The following SLC12A5 variants were observed in gnomAD, a reference collection of about 807,000 sequenced individuals.
SLC12A5 encodes the protein K-Cl cotransporter 2.
SLC12A5 carries 18 observed loss-of-function variants against 124.0 expected under a neutral mutation model. That is an observed-to-expected ratio of 0.15 (90% CI 0.10 to 0.22). The LOEUF is 0.22. Among genes scored for constraint, SLC12A5 ranks in the 10% least tolerant of loss-of-function variants. The pLI, the probability that SLC12A5 is intolerant of heterozygous loss-of-function variation, is 1.00. For missense variants in SLC12A5, 867 were observed against 1,478.7 expected (o/e 0.59, Z 6.78); for synonymous variants, 589 against 568.0 (o/e 1.04, Z -0.53).
upstream of SLC12A5, among the ~76,000 whole-genome samples, chr20:46,025,859 C>T (rs1344999696): frequency 6.6e-6 from 1 of 152,124 alleles, no homozygotes; most frequent in African/African-American, 2.4e-5. Flanking sequence ...GCCCATAAGG[C>T]CACAGCCAGC....
At chr20:46,030,979 G>A (rs1287627205) in intron 1 of SLC12A5, among the ~76,000 whole-genome samples, 1 of 152,144 alleles carries the variant, frequency 6.6e-6, no homozygotes, top group African/African-American at 2.4e-5. Context: ...AGGGGGTTTG[G>A]CAAAGTTGAG....
intron 16 of SLC12A5, 81 bp downstream of exon 16, chr20:46,048,166 G>A: frequency 7.8e-7 from 1 of 1,287,840 alleles, no homozygotes; most frequent in Non-Finnish European, 1.1e-6. Flanking sequence ...AGGGAGCAGG[G>A]CCTGACTTAT....
upstream of SLC12A5, chr20:46,029,080 C>A: frequency 7.8e-7 from 1 of 1,288,860 alleles, no homozygotes; most frequent in Non-Finnish European, 9.9e-7. Flanking sequence ...CCCTCCCGCT[C>A]TCCCCCCAAA....
intron 1 of SLC12A5, among the ~76,000 whole-genome samples, chr20:46,032,722 T>A (rs2084464695): frequency 6.6e-6 from 1 of 152,176 alleles, no homozygotes; most frequent in Admixed American, 6.5e-5. Flanking sequence ...AGCCCCCTTT[T>A]TTAACCGTTA....
chr20:46,053,456 G>C lies in SLC12A5; in HGVS notation c.2548-122G>C. 2 of 1,338,344 alleles carry C rather than the reference G, an allele frequency of 1.5e-6. No individual in the cohort carries two copies. The highest frequency in any genetic ancestry group is 1.3e-5 in the South Asian group (1 of 76,874). The allele number at this position is 1,338,344 out of a possible 1,614,324, so 82.9% of individuals were successfully genotyped here. ...GTGGCCCCAAAGACAGAGGATTTGG[G>C]GTCTGCATGTATGTGTGAGGAGTGG... On this transcript the variant is annotated intron_variant, in intron 19 of 25. Transcript: ENST00000243964. This position sits in a 1 kb window ranked among gnomAD's most constrained non-coding sequence, Gnocchi z 4.7.
chr20:46,053,233 G>A lies in SLC12A5; in HGVS notation c.2547+107G>A. ...GTCAGACTCAGGGGCTCTGGCCAGG[G>A]TCAGCTTCCGTGTCCTTCCTCCCCT... is the stretch of plus-strand genomic sequence containing the variant. On this transcript the variant is annotated intron_variant, in intron 19 of 25. Transcript: ENST00000243964. This position sits in a 1 kb window ranked among gnomAD's most constrained non-coding sequence, Gnocchi z 4.7. 8.0e-7 allele frequency: 1 copy of A among 1,243,106 alleles called. No individual in the cohort carries two copies. Among genetic ancestry groups the A allele is most frequent in the African/African-American group, 1.5e-5 (1 of 66,626 alleles). 77.0% of individuals were successfully genotyped at this position (1,243,106 alleles called of 1,614,324 possible).
At chr20:46,050,603 G>A (rs996642258) in intron 17 of SLC12A5, among the ~76,000 whole-genome samples, 3 of 152,240 alleles carry the variant, frequency 2.0e-5, no homozygotes, top group Non-Finnish European at 4.4e-5. Flanking sequence ...GCCTCACTGG[G>A]CTGTTCACAC....
At chr20:46,044,415 C>A (rs1250511601) in intron 11 of SLC12A5, among the ~76,000 whole-genome samples, 1 of 152,180 alleles carries the variant, frequency 6.6e-6, no homozygotes, top group African/African-American at 2.4e-5. Flanking sequence ...CCTTAGGGAT[C>A]TTCCCAGGGA....
chr20:46,034,912 A>G (rs1449227454), intron 1 of SLC12A5, 36 bp from the exon 2 acceptor site: 1 of 1,601,520 alleles, frequency 6.2e-7, no homozygotes, highest in Admixed American at 1.7e-5. Flanking sequence ...ACAACAACTG[A>G]TTGGTTCCAG....
intron 5 of SLC12A5, 101 bp downstream of exon 5, chr20:46,036,896 C>G: frequency 2.1e-6 from 3 of 1,440,096 alleles, no homozygotes; most frequent in Non-Finnish European, 2.9e-6. Context: ...AGATAATATT[C>G]TAGACTAGGG....
rs114913488 is a variant in SLC12A5 at position 46,032,610 on chromosome 20, C to T, written c.53-2338C>T. On this transcript the variant is annotated intron_variant, in intron 1 of 25. Coordinates refer to ENST00000243964, the MANE Select transcript of SLC12A5 (RefSeq NM_020708.5). Reference sequence around the variant, plus strand: ...CTATGAGTTAAGCTTGGTTAGTATCCCTTTGCAAAGGAGGAAACTGAGGCG... The same window carrying T: ...CTATGAGTTAAGCTTGGTTAGTATCTCTTTGCAAAGGAGGAAACTGAGGCG... Among the ~76,000 whole-genome samples, 1,071 of 152,240 alleles carry T rather than the reference C, an allele frequency of 7.0e-3. 14 individuals are homozygous for T. The highest frequency in any genetic ancestry group is 0.024 in the African/African-American group (1,010 of 41,514).
intron 13 of SLC12A5, 30 bp downstream of exon 13, chr20:46,046,026 T>A (rs1326808664): frequency 3.1e-6 from 5 of 1,592,250 alleles, no homozygotes; most frequent in Non-Finnish European, 4.3e-6. Flanking sequence ...CCCTCCCCCC[T>A]GGTTCAGGGT....
At chr20:46,023,210 C>T (rs189346152) in intron 2 of SLC12A5, 2 of 397,968 alleles carry the variant, frequency 5.0e-6, no homozygotes, top group Admixed American at 8.8e-5. Context: ...GGGAACCGAA[C>T]GCCTCCTGGT....
Position 46,049,806 on chromosome 20 carries a change from G to A in SLC12A5, c.2181+16G>A. 1 of 1,568,458 alleles carries A rather than the reference G, an allele frequency of 6.4e-7. No homozygotes were observed. Among genetic ancestry groups the A allele is most frequent in the African/African-American group, 1.3e-5 (1 of 74,538 alleles). On this transcript the variant is annotated intron_variant, in intron 17 of 25. Transcript: ENST00000243964. ...GGCAGAAGAGGTGAGCAGAGGCCCT[G>A]GTTGGGCTTGGGAAAAGGTCAGGAC... is the stretch of plus-strand genomic sequence containing the variant.
downstream of SLC12A5, among the ~76,000 whole-genome samples, chr20:46,024,141 C>CTGTG (rs3222615): frequency 0.17 from 25,748 of 147,606 alleles, 2,531 homozygotes; most frequent in East Asian, 0.52. Flanking sequence ...GTGGCAGAGG[C>CTGTG]TGTGTGTGTG....
At chr20:46,042,659 G>C (rs1050817652) in intron 8 of SLC12A5, among the ~76,000 whole-genome samples, 2 of 152,164 alleles carry the variant, frequency 1.3e-5, no homozygotes, top group African/African-American at 2.4e-5. Flanking sequence ...CCACAGTGGA[G>C]AGACCTTGGA....
chr20:46,043,186 T>A lies in SLC12A5; in HGVS notation c.1100T>A (p.Val367Glu). ...NLWSSYLTKG[V>E]IVERSGMTSV... ...TGGAGCTCCTACCTGACCAAGGGCG[T>A]GATTGTGGAGAGGAGTGGGATGACC... The change falls in exon 9 of 26, where the codon GTG becomes GAG. Residue 367 changes from valine (V) to glutamate (E), a missense_variant. Val to Glu is a moderately radical substitution (Grantham distance 121). Transcript: ENST00000243964. The A allele has an allele frequency of 6.2e-7, 1 of 1,613,588 alleles. No individual in the cohort carries two copies. Among genetic ancestry groups the A allele is most frequent in the Non-Finnish European group, 8.5e-7 (1 of 1,179,848 alleles).
chr20:46,051,788 G>T lies in SLC12A5; in HGVS notation c.2295G>T (p.Gly765=). Residue 765 remains glycine (G), a synonymous_variant, in exon 18 of 26, where the codon GGG becomes GGT. Transcript: ENST00000243964. ...TGATCCAGTCCGGGGGCCTCGGGGG[G>T]CTGCAGCACAACACTGTGCTTGTTG... The part of the protein sequence containing the change: ...SHLIQSGGLG[G]LQHNTVLVGW... The T allele has an allele frequency of 6.2e-7, 1 of 1,608,298 alleles. No individual in the cohort carries two copies. The highest frequency in any genetic ancestry group is 8.5e-7 in the Non-Finnish European group (1 of 1,177,656).
At chr20:46,022,631 GA>G (rs2084364815) in intron 1 of SLC12A5, 1 of 393,160 alleles carries the variant, frequency 2.5e-6, no homozygotes, top group Non-Finnish European at 4.5e-6. Flanking sequence ...TAGGGTCGCT[GA>G]TCCCGACTCT....
Sources: gnomAD v4.1 joint callset for allele counts (sites outside exome capture counted in the v4.1 genomes callset) on GRCh38, gnomAD v4.1.1 for gene constraint, Gnocchi (gnomAD v3.1) non-coding constraint, MANE v1.5 for transcripts, NCBI Gene and HGNC (gene_info 2026-07-23, HGNC 2026-07-21) for gene names.